The following SCLT1 variants were observed in gnomAD, a reference collection of about 807,000 sequenced individuals.
SCLT1 encodes sodium channel-associated protein 1.
Under a neutral mutation model 112.8 loss-of-function variants are expected in SCLT1, and 78 were observed. The observed-to-expected ratio is 0.69, with a 90% confidence interval of 0.58 to 0.83. SCLT1 has a LOEUF of 0.83. SCLT1 is among the 40% of genes least tolerant of loss of function. SCLT1 has a pLI of 0.00. For synonymous variants in SCLT1, 257 were observed against 254.7 expected, an observed-to-expected ratio of 1.01 and a Z score of -0.09; for missense variants, 747 against 770.4, an observed-to-expected ratio of 0.97 and a Z score of 0.36.
At chr4:129,074,318 A>C (rs1282201078) in intron 2 of SCLT1, among the ~76,000 whole-genome samples, 4 of 152,222 alleles carry the variant, frequency 2.6e-5, no homozygotes, top group Non-Finnish European at 5.9e-5. Context: ...CTATTTTCTA[A>C]TAACAATTGC....
At chr4:129,052,376 C>T (rs1748884083) in intron 2 of SCLT1, among the ~76,000 whole-genome samples, 1 of 152,100 alleles carries the variant, frequency 6.6e-6, no homozygotes, top group Admixed American at 6.6e-5. Context: ...GGTTGGTAGG[C>T]TATTAATTAC....
At chr4:128,892,363 T>C (rs887828656) in intron 18 of SCLT1, among the ~76,000 whole-genome samples, 1 of 152,238 alleles carries the variant, frequency 6.6e-6, no homozygotes, top group African/African-American at 2.4e-5. Context: ...ATGATGATTA[T>C]GGATGATTTC....
chr4:128,970,621 A>G (rs1276628901), intron 9 of SCLT1, 153 bp from the exon 10 acceptor site: 1 of 592,388 alleles, frequency 1.7e-6, no homozygotes, highest in Non-Finnish European at 3.0e-6. Context: ...CTTTATTACT[A>G]ATGAAGTGCA....
At chr4:128,989,680 T>G (rs1742393914) in intron 9 of SCLT1, among the ~76,000 whole-genome samples, 1 of 151,588 alleles carries the variant, frequency 6.6e-6, no homozygotes, top group Non-Finnish European at 1.5e-5. Flanking sequence ...AAAAAGTTGT[T>G]TTTTTAAGAC....
intron 9 of SCLT1, among the ~76,000 whole-genome samples, chr4:128,986,582 A>C (rs1308880244): frequency 1.3e-5 from 2 of 152,158 alleles, no homozygotes; most frequent in Admixed American, 1.3e-4. Flanking sequence ...AAGGGGAAGA[A>C]AGAGTATAGA....
intron 10 of SCLT1, among the ~76,000 whole-genome samples, chr4:128,966,792 T>G (rs1252761092): frequency 6.6e-6 from 1 of 152,142 alleles, no homozygotes; most frequent in Non-Finnish European, 1.5e-5. Context: ...TTCTTAGTAT[T>G]TTTTTTCTTC....
chr4:128,909,336 G>A (rs2125944487), intron 18 of SCLT1, among the ~76,000 whole-genome samples: 1 of 152,094 alleles, frequency 6.6e-6, no homozygotes, highest in East Asian at 1.9e-4. Context: ...CTGCAGTCTT[G>A]ACCTCCTGGC....
At chr4:128,877,001 C>T (rs551917436) in intron 3 of SCLT1, among the ~76,000 whole-genome samples, 1 of 152,240 alleles carries the variant, frequency 6.6e-6, no homozygotes, top group African/African-American at 2.4e-5. Context: ...CATTTTTTGC[C>T]TGGATTACTG....
At chr4:129,029,624 A>G (rs1161918118) in intron 5 of SCLT1, among the ~76,000 whole-genome samples, 2 of 152,014 alleles carry the variant, frequency 1.3e-5, no homozygotes, top group South Asian at 2.1e-4. Flanking sequence ...ACATGTATAC[A>G]TACGTAACCA....
At chr4:129,040,541 G>A (rs1160145977) in intron 4 of SCLT1, among the ~76,000 whole-genome samples, 1 of 152,160 alleles carries the variant, frequency 6.6e-6, no homozygotes, top group Admixed American at 6.5e-5. Flanking sequence ...AAATAATTAT[G>A]TAAGATATAT....
rs1468288274 is a variant in SCLT1, at chr4:129,039,895, C to CGCGCGCGCGCGCGCGCGT, written c.235-800_235-799insACGCGCGCGCGCGCGCGC. On this transcript the variant is annotated intron_variant, in intron 4 of 20. Transcript: ENST00000281142. The stretch of plus-strand genomic sequence containing the variant: ...TGAATGAGCAAATGGAGAGTGTGCG[C>CGCGCGCGCGCGCGCGCGT]GCGCGCACACACACACACACACACA... 7 of 203,214 alleles carry CGCGCGCGCGCGCGCGCGT rather than the reference C, an allele frequency of 3.4e-5. No homozygotes were observed. In the African/African-American group the frequency reaches 3.6e-4, roughly 11 times the overall value. The allele number at this position is 203,214 out of a possible 1,614,324, so 12.6% of individuals were successfully genotyped here.
chr4:128,900,608 T>C (rs944676101), intron 18 of SCLT1, among the ~76,000 whole-genome samples: 2 of 152,212 alleles, frequency 1.3e-5, no homozygotes, highest in Admixed American at 6.5e-5. Context: ...ATTGAGGACA[T>C]AGGCATGGGC....
chr4:128,929,374 A>G (rs1220569280), intron 18 of SCLT1, among the ~76,000 whole-genome samples: 1 of 152,220 alleles, frequency 6.6e-6, no homozygotes, highest in East Asian at 1.9e-4. Context: ...AATTTTAATT[A>G]TGTTGCTTGT....
At chr4:128,924,101 T>C (rs112993125) in intron 18 of SCLT1, among the ~76,000 whole-genome samples, 13 of 152,226 alleles carry the variant, frequency 8.5e-5, no homozygotes, top group African/African-American at 2.9e-4. Context: ...GCATGATGAG[T>C]ATACATTTAA....
chr4:128,897,096 T>C (rs1733831768), intron 18 of SCLT1, among the ~76,000 whole-genome samples: 1 of 152,192 alleles, frequency 6.6e-6, no homozygotes, highest in Middle Eastern at 3.4e-3. Flanking sequence ...TGGAAAACAC[T>C]CTGCAGGATA....
chr4:129,051,215 T>G (rs765039750), intron 2 of SCLT1, among the ~76,000 whole-genome samples: 13 of 152,178 alleles, frequency 8.5e-5, no homozygotes, highest in East Asian at 3.8e-4. Flanking sequence ...CAGGCTCTTT[T>G]TTGGTTCCAC....
intron 2 of SCLT1, among the ~76,000 whole-genome samples, chr4:129,064,982 C>A (rs1750348086): frequency 6.6e-6 from 1 of 152,058 alleles, no homozygotes; most frequent in South Asian, 2.1e-4. Flanking sequence ...CTACATAAGT[C>A]ATTTAGGGGA....
chr4:128,912,816 G>C (rs538867921), intron 18 of SCLT1, among the ~76,000 whole-genome samples: 78 of 152,054 alleles, frequency 5.1e-4, no homozygotes, highest in Middle Eastern at 3.4e-3. Context: ...TTTAAGGCTG[G>C]GCAGAAAAGG....
At chr4:129,053,983 T>A (rs1239597198) in intron 2 of SCLT1, among the ~76,000 whole-genome samples, 1 of 152,170 alleles carries the variant, frequency 6.6e-6, no homozygotes, top group African/African-American at 2.4e-5. Flanking sequence ...TCCTTGTCTG[T>A]AACGGGTTTT....
Sources: allele counts gnomAD v4.1 joint callset (sites outside exome capture counted in the v4.1 genomes callset), GRCh38; gene constraint gnomAD v4.1.1; transcripts MANE v1.5; gene names NCBI Gene and HGNC (gene_info 2026-07-23, HGNC 2026-07-21).